FGFR1OP2: variants seen among roughly 807,000 people sequenced by gnomAD.
FGFR1OP2 encodes the protein fibroblast growth factor receptor 1 oncogene partner 2.
A neutral mutation model predicts 35.2 loss-of-function variants in FGFR1OP2; 17 were observed. The observed-to-expected ratio is 0.48, with a 90% CI of 0.33 to 0.73. The LOEUF is 0.73. FGFR1OP2 is among the 30% of genes least tolerant of loss of function. FGFR1OP2 has a pLI of 0.02. For missense variants in FGFR1OP2, 251 were observed against 307.3 expected (o/e 0.82, Z 1.37); for synonymous variants, 105 against 104.6 (o/e 1.00, Z -0.03).
intron 1 of FGFR1OP2, among the ~76,000 whole-genome samples, chr12:26,940,535 A>G (rs2136345597): frequency 6.6e-6 from 1 of 152,342 alleles, no homozygotes; most frequent in Admixed American, 6.5e-5. Context: ...AACCATAACT[A>G]TACCTTTTGG....
Position 26,963,305 on chromosome 12 carries a change from A to G in FGFR1OP2, c.511-37A>G, listed in dbSNP as rs76561184. The G allele has an allele frequency of 1.4e-4, 202 of 1,397,384 alleles. No individual in the cohort carries two copies. The East Asian group carries it at 4.4e-3, about 31-fold the overall frequency. The allele number at this position is 1,397,384 out of a possible 1,614,324, so 86.6% of individuals were successfully genotyped here. A position where few individuals can be genotyped will look rare whatever the true frequency, so the allele number is the denominator to read the frequency against. On this transcript the variant is annotated intron_variant, in intron 5 of 6. Transcript: ENST00000229395. Reference sequence around the variant, plus strand: ...GGAGAGGATCCAAAAATAAAAAAGTATTTTGCTGATTTCCAACTCCCATCC... The same window carrying G: ...GGAGAGGATCCAAAAATAAAAAAGTGTTTTGCTGATTTCCAACTCCCATCC...
In FGFR1OP2 at chr12:26,957,467, ATTG is replaced by A. The variant is rs1290939879; in HGVS notation, c.254-131_254-129del. 8.3e-6 allele frequency: 6 copies of A among 723,910 alleles called. No homozygotes were observed. In the African/African-American group the frequency reaches 1.1e-4, roughly 13 times the overall value. The allele number at this position is 723,910 out of a possible 1,614,324, so 44.8% of individuals were successfully genotyped here. A position where few individuals can be genotyped will look rare whatever the true frequency, so the allele number is the denominator to read the frequency against. Reference sequence around the variant, plus strand: ...TACGGGACTTCATTTGGTGTCTCTTATTGTTATATGGCTAGATTTTTGTGCATT... The same window carrying A: ...TACGGGACTTCATTTGGTGTCTCTTATTATATGGCTAGATTTTTGTGCATT... On this transcript the variant is annotated intron_variant, in intron 3 of 6. Coordinates refer to ENST00000229395, the MANE Select transcript of FGFR1OP2 (RefSeq NM_015633.3).
At chr12:26,958,619 A>C (rs1269106478) in intron 4 of FGFR1OP2, among the ~76,000 whole-genome samples, 4 of 152,182 alleles carry the variant, frequency 2.6e-5, no homozygotes, top group Non-Finnish European at 5.9e-5. Context: ...AGTATTGTAT[A>C]CCAGTTGACA....
chr12:26,950,333 C>T (rs1170919225), intron 1 of FGFR1OP2, among the ~76,000 whole-genome samples: 1 of 145,140 alleles, frequency 6.9e-6, no homozygotes, highest in Non-Finnish European at 1.5e-5. Flanking sequence ...CGCTATTCTC[C>T]TGCCTCAGCC....
At chr12:26,945,434 T>C (rs890408498) in intron 1 of FGFR1OP2, among the ~76,000 whole-genome samples, 1 of 152,250 alleles carries the variant, frequency 6.6e-6, no homozygotes, top group African/African-American at 2.4e-5. Context: ...GATCAAAGTA[T>C]CTTCTAATTT....
At chr12:26,949,659 A>C (rs1042218168) in intron 1 of FGFR1OP2, among the ~76,000 whole-genome samples, 5 of 151,210 alleles carry the variant, frequency 3.3e-5, no homozygotes, top group African/African-American at 9.8e-5. Context: ...GCTCGCTGCA[A>C]CCTCTGCCTC....
chr12:26,957,487 T>G, intron 3 of FGFR1OP2, 114 bp from the exon 4 acceptor site: 1 of 857,418 alleles, frequency 1.2e-6, no homozygotes, highest in South Asian at 1.9e-5. Context: ...GGCTAGATTT[T>G]TGTGCATTGT....
chr12:26,947,162 T>C (rs1454273309), intron 1 of FGFR1OP2, among the ~76,000 whole-genome samples: 4 of 152,222 alleles, frequency 2.6e-5, no homozygotes, highest in Admixed American at 2.0e-4. Flanking sequence ...AGGAGTGGAA[T>C]TGTTGGATCA....
intron 4 of FGFR1OP2, among the ~76,000 whole-genome samples, chr12:26,958,351 A>G (rs1190553874): frequency 6.6e-6 from 1 of 152,194 alleles, no homozygotes; most frequent in Non-Finnish European, 1.5e-5. Context: ...ACCGAGTGAG[A>G]CCCTGTCTCT....
At chr12:26,941,906 A>G (rs927552851) in intron 1 of FGFR1OP2, among the ~76,000 whole-genome samples, 1 of 152,184 alleles carries the variant, frequency 6.6e-6, no homozygotes, top group African/African-American at 2.4e-5. Flanking sequence ...ATACAGGTAA[A>G]AAGCAAACAG....
intron 1 of FGFR1OP2, among the ~76,000 whole-genome samples, chr12:26,952,049 G>C (rs534238268): frequency 5.0e-4 from 65 of 128,924 alleles, no homozygotes; most frequent in African/African-American, 1.8e-3. Context: ...CAATTTTTTT[G>C]GTTATTTCAT....
At chr12:26,952,041 A>AT (rs1565849111) in intron 1 of FGFR1OP2, among the ~76,000 whole-genome samples, 1 of 143,004 alleles carries the variant, frequency 7.0e-6, no homozygotes, top group Non-Finnish European at 1.5e-5. Flanking sequence ...TATAAAACCA[A>AT]TTTTTTTGGT....
intron 5 of FGFR1OP2, 59 bp downstream of exon 5, chr12:26,960,687 A>G: frequency 6.4e-7 from 1 of 1,550,916 alleles, no homozygotes; most frequent in South Asian, 1.2e-5. Context: ...CCATTTTAAA[A>G]GTGCTTTTAC....
chr12:26,961,030 G>A (rs1029063290), intron 5 of FGFR1OP2: 2 of 156,992 alleles, frequency 1.3e-5, no homozygotes, highest in African/African-American at 4.8e-5. Flanking sequence ...GTAGTCCTTT[G>A]ATTTTGCAAA....
At chr12:26,953,030 A>G (rs544210462) in intron 1 of FGFR1OP2, among the ~76,000 whole-genome samples, 1 of 152,214 alleles carries the variant, frequency 6.6e-6, no homozygotes, top group South Asian at 2.1e-4. Context: ...TGGGAGGCCA[A>G]GGCGGGCGGA....
intron 4 of FGFR1OP2, 157 bp downstream of exon 4, chr12:26,957,900 C>G (rs1157354195): frequency 3.7e-6 from 2 of 543,880 alleles, no homozygotes; most frequent in Middle Eastern, 4.9e-4. Context: ...TCTCCTTTTT[C>G]TTATTTTTCC....
At chr12:26,942,702 C>T (rs150011981) in intron 1 of FGFR1OP2, among the ~76,000 whole-genome samples, 4 of 152,308 alleles carry the variant, frequency 2.6e-5, no homozygotes, top group African/African-American at 9.6e-5. Context: ...TTGCATTTCT[C>T]TAATGGCTAA....
At chr12:26,957,503 C>G in intron 3 of FGFR1OP2, 98 bp from the exon 4 acceptor site, 1 of 1,083,998 alleles carries the variant, frequency 9.2e-7, no homozygotes, top group Non-Finnish European at 1.3e-6. Flanking sequence ...ATTGTGTTTT[C>G]TTTTTAAAAT....
intron 3 of FGFR1OP2, 41 bp downstream of exon 3, chr12:26,956,701 C>A: frequency 8.3e-7 from 1 of 1,203,040 alleles, no homozygotes; most frequent in Non-Finnish European, 1.2e-6. Context: ...CATTTCTAGT[C>A]TATATTCCTA....
Sources: allele counts gnomAD v4.1 joint callset (sites outside exome capture counted in the v4.1 genomes callset), GRCh38; gene constraint gnomAD v4.1.1; transcripts MANE v1.5; gene names NCBI Gene and HGNC (gene_info 2026-07-23, HGNC 2026-07-21).